The following UNC5D variants were observed in gnomAD, a reference collection of about 807,000 sequenced individuals.
UNC5D encodes unc-5 netrin receptor D.
UNC5D carries 39 observed loss-of-function variants against 105.4 expected under a neutral mutation model. That is an observed-to-expected ratio of 0.37 (90% confidence interval 0.29 to 0.48). The LOEUF (loss-of-function observed/expected upper bound fraction) is 0.48, where lower values mean the gene tolerates loss of function less well. UNC5D is among the 20% of genes least tolerant of loss of function. UNC5D has a pLI of 0.98. For synonymous variants in UNC5D, 452 were observed against 450.4 expected, an observed-to-expected ratio of 1.00 and a Z score of -0.04; for missense variants, 991 against 1,202.4, an observed-to-expected ratio of 0.82 and a Z score of 2.60.
chr8:35,473,670 TTACATTATTA>T (rs1422701503), intron 1 of UNC5D, among the ~76,000 whole-genome samples: 2 of 152,172 alleles, frequency 1.3e-5, no homozygotes, highest in African/African-American at 4.8e-5. Flanking sequence ...ACCAGGATGA[TTACATTATTA>T]TATTCCATTT....
At chr8:35,305,593 C>CTTTCA (rs1554505763) in intron 1 of UNC5D, among the ~76,000 whole-genome samples, 2,314 of 142,132 alleles carry the variant, frequency 0.016, 40 homozygotes, top group Non-Finnish European at 0.025. Flanking sequence ...TTCTTTCTTT[C>CTTTCA]TTTCTTTCTT....
At chr8:35,641,181 A>G (rs916240655) in intron 4 of UNC5D, among the ~76,000 whole-genome samples, 1 of 152,008 alleles carries the variant, frequency 6.6e-6, no homozygotes, top group Non-Finnish European at 1.5e-5. Context: ...TATGAATATG[A>G]CTAATGAGCA....
intron 1 of UNC5D, among the ~76,000 whole-genome samples, chr8:35,310,358 T>C (rs1563302090): frequency 1.3e-5 from 2 of 152,266 alleles, no homozygotes; most frequent in Middle Eastern, 3.4e-3. Context: ...CGGTGGCTCA[T>C]GCCTGTAATC....
At chr8:35,785,807 G>A (rs930437533) in intron 16 of UNC5D, among the ~76,000 whole-genome samples, 3 of 152,166 alleles carry the variant, frequency 2.0e-5, no homozygotes, top group Non-Finnish European at 4.4e-5. Flanking sequence ...TCGGGTGTCT[G>A]GTAGGCAGGC....
chr8:35,439,776 A>G (rs1183460513), intron 1 of UNC5D, among the ~76,000 whole-genome samples: 1 of 151,966 alleles, frequency 6.6e-6, no homozygotes, highest in Non-Finnish European at 1.5e-5. Flanking sequence ...TTTCCTAAAT[A>G]TGGAAAGTCA....
chr8:35,636,139 G>T (rs1202890587), intron 4 of UNC5D, among the ~76,000 whole-genome samples: 1 of 152,172 alleles, frequency 6.6e-6, no homozygotes, highest in Admixed American at 6.5e-5. Flanking sequence ...ACATGCTTGT[G>T]ATTATGCAGG....
At chr8:35,786,401 C>T (rs531328754) in intron 16 of UNC5D, among the ~76,000 whole-genome samples, 23 of 152,206 alleles carry the variant, frequency 1.5e-4, no homozygotes, top group African/African-American at 4.8e-4. Context: ...TTCGTTTAGC[C>T]GTGGGTGCCT....
chr8:35,470,878 T>G (rs1188010461), intron 1 of UNC5D, among the ~76,000 whole-genome samples: 3 of 152,078 alleles, frequency 2.0e-5, no homozygotes, highest in Admixed American at 1.3e-4. Context: ...CAGCATTGGG[T>G]GAGAACACCA....
At chr8:35,569,006 T>C (rs1255007283) in intron 3 of UNC5D, among the ~76,000 whole-genome samples, 1 of 140,670 alleles carries the variant, frequency 7.1e-6, no homozygotes, top group Non-Finnish European at 1.5e-5. Context: ...TCTTAAAACA[T>C]GGAAATGGGT....
At chr8:35,571,272 CA>C (rs1260800131) in intron 3 of UNC5D, among the ~76,000 whole-genome samples, 1 of 152,084 alleles carries the variant, frequency 6.6e-6, no homozygotes, top group East Asian at 1.9e-4. Flanking sequence ...GTATCTGTAT[CA>C]AAGATGTAAT....
At chr8:35,412,637 G>A (rs2128959301) in intron 1 of UNC5D, among the ~76,000 whole-genome samples, 1 of 152,114 alleles carries the variant, frequency 6.6e-6, no homozygotes, top group South Asian at 2.1e-4. Flanking sequence ...ATCTTAAAAA[G>A]ATGAATCAAC....
At chr8:35,332,331 G>A (rs1443008750) in intron 1 of UNC5D, among the ~76,000 whole-genome samples, 1 of 152,174 alleles carries the variant, frequency 6.6e-6, no homozygotes, top group African/African-American at 2.4e-5. Context: ...CACTTTCAAA[G>A]TTCTTGGTCT....
chr8:35,734,625 G>A (rs1262236317), intron 11 of UNC5D, among the ~76,000 whole-genome samples: 1 of 152,000 alleles, frequency 6.6e-6, no homozygotes, highest in Non-Finnish European at 1.5e-5. Flanking sequence ...GGTCAGGCTG[G>A]TCTTGAACTC....
At chr8:35,421,524 T>A (rs1805896189) in intron 1 of UNC5D, among the ~76,000 whole-genome samples, 1 of 152,198 alleles carries the variant, frequency 6.6e-6, no homozygotes, top group African/African-American at 2.4e-5. Flanking sequence ...ACTTTTAAAT[T>A]TTACTTTAAT....
intron 1 of UNC5D, among the ~76,000 whole-genome samples, chr8:35,288,959 C>T (rs539656310): frequency 2.3e-4 from 35 of 152,150 alleles, no homozygotes; most frequent in African/African-American, 7.2e-4. Flanking sequence ...ACCTAAAAAA[C>T]AATCAGGAAA....
intron 1 of UNC5D, among the ~76,000 whole-genome samples, chr8:35,290,187 A>G (rs567286316): frequency 3.9e-5 from 6 of 152,304 alleles, no homozygotes; most frequent in South Asian, 2.1e-4. Context: ...ACTGAAATCA[A>G]TGTCGAAGGG....
rs1563513932 is a variant in UNC5D at position 35,538,397 on chromosome 8, ATATATATATATATATATATAT to A, written c.104-10894_104-10874del. 7.2e-3 allele frequency among the ~76,000 whole-genome samples: 339 copies of A among 47,010 alleles called. 5 individuals carry two copies. The highest frequency in any genetic ancestry group is 0.018 in the African/African-American group (254 of 13,936). The allele number at this position is 47,010 out of a possible 152,430, so 30.8% of individuals were successfully genotyped here. A position where few individuals can be genotyped will look rare whatever the true frequency, so the allele number is the denominator to read the frequency against. On this transcript the variant is annotated intron_variant, in intron 1 of 16. Transcript: ENST00000404895. ...AGTCGTGATTTAAAAAAAAATAATTATATATATATATATATATATATATATATATATATATATATATATGAA... is the reference window on the plus strand; with the variant it reads ...AGTCGTGATTTAAAAAAAAATAATTAATATATATATATATATATATATGAA...
At chr8:35,416,883 A>G (rs1255234827) in intron 1 of UNC5D, among the ~76,000 whole-genome samples, 1 of 152,158 alleles carries the variant, frequency 6.6e-6, no homozygotes, top group Non-Finnish European at 1.5e-5. Flanking sequence ...ATACTTGGCT[A>G]TTTGAGGGTT....
intron 1 of UNC5D, among the ~76,000 whole-genome samples, chr8:35,510,559 C>G (rs1368255107): frequency 6.6e-6 from 1 of 152,142 alleles, no homozygotes; most frequent in Non-Finnish European, 1.5e-5. Flanking sequence ...CTTACCACCT[C>G]TGCCTCATGA....
Sources: gnomAD v4.1 joint callset for allele counts (sites outside exome capture counted in the v4.1 genomes callset) on GRCh38, gnomAD v4.1.1 for gene constraint, MANE v1.5 for transcripts, NCBI Gene and HGNC (gene_info 2026-07-23, HGNC 2026-07-21) for gene names.